Variants in VWA3B observed in about 807,000 individuals in gnomAD.
The protein encoded by VWA3B is von Willebrand factor A domain-containing protein 3B.
VWA3B carries 138 observed loss-of-function variants against 158.3 expected under a neutral mutation model. The observed-to-expected ratio is 0.87, with a 90% CI of 0.76 to 1.00. The LOEUF (loss-of-function observed/expected upper bound fraction) is 1.00. Ranked by LOEUF, VWA3B falls within the 50% of genes least tolerant of loss-of-function variation. The pLI is 0.00. For missense variants in VWA3B, 1,555 were observed against 1,565.1 expected (o/e 0.99, Z 0.11); for synonymous variants, 596 against 587.3 (o/e 1.01, Z -0.21).
intron 11 of VWA3B, 88 bp downstream of exon 11, chr2:98,193,124 T>C: frequency 6.7e-7 from 1 of 1,498,250 alleles, no homozygotes; most frequent in Non-Finnish European, 8.9e-7. Context: ...CTCTAAAAAA[T>C]TCCTAAGAAA....
At chr2:98,268,081 A>G (rs1416813754) in intron 21 of VWA3B, among the ~76,000 whole-genome samples, 2 of 151,894 alleles carry the variant, frequency 1.3e-5, no homozygotes, top group Non-Finnish European at 2.9e-5. Context: ...CCAGGACCAG[A>G]TGGATTCACA....
intron 9 of VWA3B, among the ~76,000 whole-genome samples, chr2:98,182,833 G>A (rs957918499): frequency 1.3e-5 from 2 of 152,150 alleles, no homozygotes; most frequent in South Asian, 2.1e-4. Context: ...GGCAGAACCC[G>A]AGAGGTGGAG....
chr2:98,236,509 G>A (rs922658176), intron 18 of VWA3B, 32 bp downstream of exon 18: 2 of 1,613,926 alleles, frequency 1.2e-6, no homozygotes, highest in African/African-American at 2.7e-5. Context: ...AGACAGTTCT[G>A]TTATGCTTCT....
chr2:98,250,210 G>T, intron 19 of VWA3B, 108 bp from the exon 20 acceptor site: 3 of 741,876 alleles, frequency 4.0e-6, no homozygotes, highest in South Asian at 2.0e-5. Context: ...ATTGTATATT[G>T]ACTTTATAGT....
Position 98,217,943 on chromosome 2 carries a change from TGAAAGAGG to T in VWA3B, c.1935_1942del (p.Leu645PhefsTer13). The T allele has an allele frequency of 6.2e-7, 1 of 1,613,788 alleles. No individual in the cohort carries two copies. On this transcript the variant is annotated frameshift_variant, in exon 14 of 28. Transcript: ENST00000477737. LOFTEE classifies it high-confidence loss of function. ...AATGATGAGATTGCAAACAGGTTTT[TGAAAGAGG>T]TTGCTGCTTTGACTGGAGGAGAGTT...
intron 17 of VWA3B, 36 bp downstream of exon 17, chr2:98,234,803 C>T: frequency 6.2e-7 from 1 of 1,613,590 alleles, no homozygotes. Flanking sequence ...CAACCAGCCT[C>T]CCTTTCCACA....
intron 1 of VWA3B, among the ~76,000 whole-genome samples, chr2:98,088,241 AG>A (rs1461128638): frequency 6.6e-6 from 1 of 152,224 alleles, no homozygotes; most frequent in Non-Finnish European, 1.5e-5. Context: ...AGAAACTAAC[AG>A]GGGTATAGGA....
At chr2:98,210,412 C>T (rs78499342) in intron 12 of VWA3B, among the ~76,000 whole-genome samples, 7,101 of 152,250 alleles carry the variant, frequency 0.047, 306 homozygotes, top group Non-Finnish European at 0.062. Flanking sequence ...CATCCAACAC[C>T]ATCCTATGAA....
intron 22 of VWA3B, among the ~76,000 whole-genome samples, chr2:98,272,420 A>G (rs1688258006): frequency 6.6e-6 from 1 of 152,216 alleles, no homozygotes; most frequent in Admixed American, 6.5e-5. Context: ...GCCACCCTCC[A>G]GGAGCCTCCA....
intron 19 of VWA3B, among the ~76,000 whole-genome samples, chr2:98,249,596 A>G (rs1270863419): frequency 3.3e-5 from 5 of 152,270 alleles, no homozygotes. Context: ...CACCAAACCA[A>G]TACATTTACC....
chr2:98,181,351 C>G, intron 9 of VWA3B, 139 bp downstream of exon 9: 1 of 867,018 alleles, frequency 1.2e-6, no homozygotes, highest in Non-Finnish European at 1.8e-6. Context: ...AACAGGGTTC[C>G]TCTGTTTCCC....
chr2:98,188,402 G>A (rs955760211), intron 10 of VWA3B, among the ~76,000 whole-genome samples: 1 of 151,954 alleles, frequency 6.6e-6, no homozygotes, highest in African/African-American at 2.4e-5. Flanking sequence ...ATAAATTATA[G>A]CTGACCATAT....
intron 10 of VWA3B, 136 bp from the exon 11 acceptor site, chr2:98,192,762 G>T: frequency 1.6e-6 from 2 of 1,226,390 alleles, no homozygotes; most frequent in Non-Finnish European, 2.3e-6. Flanking sequence ...CAAAGCGAAT[G>T]ATCTACTCAC....
intron 8 of VWA3B, among the ~76,000 whole-genome samples, chr2:98,170,676 G>A (rs756775754): frequency 6.6e-6 from 1 of 151,104 alleles, no homozygotes; most frequent in Non-Finnish European, 1.5e-5. Flanking sequence ...ATGCCACCTC[G>A]GCTCACTGCA....
At position 98,188,020 on chromosome 2, in the gene VWA3B, G is replaced by C. The variant is rs771078195; in HGVS notation, c.1357G>C (p.Val453Leu). The part of the protein sequence containing the change: ...TVHAKYCSRF[V>L]HAPWKDGSLV... ...CCATGCAAAATATTGCAGCAGGTTT[G>C]TCCATGCTCCCTGGAAGGATGGGAG... Residue 453 changes from valine (V) to leucine (L), a missense_variant, in exon 10 of 28, where the codon GTC becomes CTC. Coordinates refer to ENST00000477737, the MANE Select transcript of VWA3B (RefSeq NM_144992.5). 2.5e-6 allele frequency: 4 copies of C among 1,613,894 alleles called. No individual in the cohort carries two copies. Among genetic ancestry groups the C allele is most frequent in the Non-Finnish European group, 3.4e-6 (4 of 1,179,962 alleles).
At chr2:98,216,990 C>CCCG (rs760409837) in intron 13 of VWA3B, 5 of 1,208,952 alleles carry the variant, frequency 4.1e-6, no homozygotes, top group Non-Finnish European at 5.4e-6. Flanking sequence ...GCACCCGCCC[C>CCCG]GCACCCAGTC....
chr2:98,137,496 A>G (rs982632565), intron 7 of VWA3B, among the ~76,000 whole-genome samples: 3 of 152,242 alleles, frequency 2.0e-5, no homozygotes, highest in Non-Finnish European at 4.4e-5. Flanking sequence ...AAATATCACA[A>G]TTTCAAATAA....
chr2:98,322,645 A>G, the VWA3B span, among the ~76,000 whole-genome samples: 2 of 152,236 alleles, frequency 1.3e-5, no homozygotes, highest in Admixed American at 1.3e-4. Flanking sequence ...TTTGCAAGCC[A>G]TGTGCAGCTT....
At chr2:98,149,190 C>G (rs900611166) in intron 7 of VWA3B, among the ~76,000 whole-genome samples, 2 of 152,158 alleles carry the variant, frequency 1.3e-5, no homozygotes, top group African/African-American at 4.8e-5. Context: ...CTTACTGCAG[C>G]TTTGCTTTTT....
Sources: allele counts gnomAD v4.1 joint callset (sites outside exome capture counted in the v4.1 genomes callset), GRCh38; gene constraint gnomAD v4.1.1; transcripts MANE v1.5; gene names NCBI Gene and HGNC (gene_info 2026-07-23, HGNC 2026-07-21).